PRKN: variants seen among roughly 807,000 people sequenced by gnomAD.
PRKN encodes the protein E3 ubiquitin-protein ligase parkin.
In PRKN, 56 loss-of-function variants were observed where a neutral mutation model predicts 59.5. That is an observed-to-expected ratio of 0.94 (90% CI 0.76 to 1.18). The LOEUF is 1.18. Among genes scored for constraint, PRKN ranks in the 50% most tolerant of loss-of-function variants. PRKN has a pLI of 0.00. For missense variants in PRKN, 657 were observed against 596.4 expected (o/e 1.10, Z -1.06); for synonymous variants, 250 against 222.1 (o/e 1.13, Z -1.12).
Position 162,672,408 on chromosome 6 carries a change from T to G in PRKN, c.7+55254A>C, listed in dbSNP as rs554414604. On this transcript the variant is annotated intron_variant, in intron 1 of 11. Coordinates refer to ENST00000366898, the MANE Select transcript of PRKN (RefSeq NM_004562.3). ...ATTTTTATTCGGTAACATTAACCAC[T>G]TTGGCAAAAAAAATAAATGAACACT... 5.3e-5 allele frequency among the ~76,000 whole-genome samples: 8 copies of G among 152,114 alleles called. No individual in the cohort carries two copies. In the East Asian group the frequency reaches 1.2e-3, roughly 22 times the overall value.
chr6:161,394,336 G>A (rs181976827), intron 9 of PRKN, among the ~76,000 whole-genome samples: 100 of 152,248 alleles, frequency 6.6e-4, no homozygotes, highest in Middle Eastern at 6.8e-3. Context: ...CAGGAGGCTG[G>A]ATACAGCTCT....
At chr6:162,558,595 C>T (rs1407819477) in intron 1 of PRKN, among the ~76,000 whole-genome samples, 2 of 151,906 alleles carry the variant, frequency 1.3e-5, no homozygotes, top group African/African-American at 4.8e-5. Flanking sequence ...TCCCAAAGTG[C>T]TGGGATTACA....
chr6:162,084,381 T>A (rs1388708143), intron 4 of PRKN, among the ~76,000 whole-genome samples: 1 of 152,156 alleles, frequency 6.6e-6, no homozygotes, highest in African/African-American at 2.4e-5. Flanking sequence ...GTGAAGACGC[T>A]GCCTCCATGG....
chr6:161,729,086 T>A (rs1462915244), intron 7 of PRKN, among the ~76,000 whole-genome samples: 5 of 152,204 alleles, frequency 3.3e-5, no homozygotes, highest in Non-Finnish European at 2.9e-5. Context: ...TTATTCTTCC[T>A]TTGTTCAACT....
intron 1 of PRKN, among the ~76,000 whole-genome samples, chr6:162,708,841 C>T (rs1778426824): frequency 6.6e-6 from 1 of 152,118 alleles, no homozygotes; most frequent in Non-Finnish European, 1.5e-5. Flanking sequence ...CCATAGGGGT[C>T]CGTGGCCTGT....
chr6:161,933,097 T>G (rs1188529936), intron 6 of PRKN, among the ~76,000 whole-genome samples: 2 of 152,062 alleles, frequency 1.3e-5, no homozygotes, highest in African/African-American at 4.8e-5. Context: ...CTGGCTAACA[T>G]GGTGAAAGCC....
Position 161,727,111 on chromosome 6 carries a change from C to G in PRKN, c.871+58661G>C, listed in dbSNP as rs376144675. On this transcript the variant is annotated intron_variant, in intron 7 of 11. Coordinates refer to ENST00000366898, the MANE Select transcript of PRKN (RefSeq NM_004562.3). ...GAACAGGAGACACACACAGGAGAAACCAAGGGTGGCGATGGGCTCCATAAC... is the reference window on the plus strand; with the variant it reads ...GAACAGGAGACACACACAGGAGAAAGCAAGGGTGGCGATGGGCTCCATAAC... Among the ~76,000 whole-genome samples, 4 of 152,238 alleles carry G rather than the reference C, an allele frequency of 2.6e-5. No homozygotes were observed. In the South Asian group the frequency reaches 8.3e-4, roughly 32 times the overall value.
At chr6:162,606,456 T>C (rs867901249) in intron 1 of PRKN, among the ~76,000 whole-genome samples, 2 of 152,214 alleles carry the variant, frequency 1.3e-5, no homozygotes, top group African/African-American at 4.8e-5. Context: ...GTATGGGTAC[T>C]TGAAGTAACG....
chr6:162,194,494 C>T (rs573361753), intron 4 of PRKN, among the ~76,000 whole-genome samples: 3 of 152,106 alleles, frequency 2.0e-5, no homozygotes, highest in Admixed American at 1.3e-4. Flanking sequence ...ATGGCAGTAG[C>T]AGCATTTACT....
At chr6:161,764,335 G>A (rs1789333712) in intron 7 of PRKN, among the ~76,000 whole-genome samples, 1 of 152,232 alleles carries the variant, frequency 6.6e-6, no homozygotes, top group African/African-American at 2.4e-5. Context: ...GTGACGCAGA[G>A]CCTGCAGTGT....
intron 5 of PRKN, among the ~76,000 whole-genome samples, chr6:161,999,452 T>C (rs1333838964): frequency 6.6e-6 from 1 of 151,994 alleles, no homozygotes; most frequent in Non-Finnish European, 1.5e-5. Context: ...TGTCTTGTAG[T>C]GAAAAGGTGA....
intron 9 of PRKN, among the ~76,000 whole-genome samples, chr6:161,430,807 T>C (rs1583057385): frequency 1.1e-5 from 1 of 88,050 alleles, no homozygotes; most frequent in African/African-American, 5.0e-5. Flanking sequence ...ACAGCCAGAC[T>C]CCGTCTCAAA....
intron 9 of PRKN, among the ~76,000 whole-genome samples, chr6:161,472,275 A>C (rs1790831177): frequency 6.6e-6 from 1 of 152,216 alleles, no homozygotes; most frequent in Non-Finnish European, 1.5e-5. Flanking sequence ...GAAGAGAGCA[A>C]GTCTTACTTG....
At chr6:161,918,875 C>T (rs980030290) in intron 6 of PRKN, among the ~76,000 whole-genome samples, 2 of 152,216 alleles carry the variant, frequency 1.3e-5, no homozygotes, top group East Asian at 1.9e-4. Context: ...AATCTAGTGT[C>T]GGTGAGGAAG....
intron 4 of PRKN, among the ~76,000 whole-genome samples, chr6:162,173,321 A>C (rs1783374765): frequency 6.6e-6 from 1 of 152,054 alleles, no homozygotes. Context: ...ACGGACCAGC[A>C]CTCTAGATTA....
chr6:161,913,234 C>A (rs1300563536), intron 6 of PRKN, among the ~76,000 whole-genome samples: 2 of 150,674 alleles, frequency 1.3e-5, no homozygotes, highest in African/African-American at 4.9e-5. Flanking sequence ...GCTGGAACAC[C>A]CAATAGTCAA....
intron 6 of PRKN, among the ~76,000 whole-genome samples, chr6:161,907,828 A>G (rs924296639): frequency 6.6e-6 from 1 of 152,166 alleles, no homozygotes; most frequent in African/African-American, 2.4e-5. Flanking sequence ...CTATCGTCCC[A>G]GCACTTTGGG....
intron 4 of PRKN, among the ~76,000 whole-genome samples, chr6:162,117,951 C>T (rs892949346): frequency 6.6e-6 from 1 of 151,880 alleles, no homozygotes; most frequent in Non-Finnish European, 1.5e-5. Flanking sequence ...ACAAAATTAG[C>T]CAGGCATGAT....
intron 6 of PRKN, among the ~76,000 whole-genome samples, chr6:161,933,278 CAAAACAAAAACA>C (rs1300411910): frequency 6.6e-6 from 1 of 151,564 alleles, no homozygotes; most frequent in Non-Finnish European, 1.5e-5. Flanking sequence ...GACTCCGTTT[CAAAACAAAAACA>C]AAAACAAAAC....
Sources: gnomAD v4.1 joint callset for allele counts (sites outside exome capture counted in the v4.1 genomes callset) on GRCh38, gnomAD v4.1.1 for gene constraint, MANE v1.5 for transcripts, NCBI Gene and HGNC (gene_info 2026-07-23, HGNC 2026-07-21) for gene names.